Variants in SRSF11 observed in about 807,000 individuals in gnomAD.
The protein encoded by SRSF11 is serine and arginine rich splicing factor 11, also known as serine/arginine-rich splicing factor 11.
In SRSF11, 9 loss-of-function variants were observed where a neutral mutation model predicts 56.0. The observed-to-expected ratio is 0.16, with a 90% CI of 0.10 to 0.28. The LOEUF (loss-of-function observed/expected upper bound fraction) is 0.28, where lower values mean the gene tolerates loss of function less well. SRSF11 is among the 10% of genes least tolerant of loss of function. SRSF11 has a pLI of 1.00. For synonymous variants in SRSF11, 222 were observed against 215.3 expected (o/e 1.03, Z -0.27); for missense variants, 421 against 600.7 (o/e 0.70, Z 3.13).
At chr1:70,208,573 T>C (rs1464980309) in intron 1 of SRSF11, among the ~76,000 whole-genome samples, 2 of 152,044 alleles carry the variant, frequency 1.3e-5, no homozygotes, top group East Asian at 1.9e-4. Flanking sequence ...CCTGGCCTCA[T>C]GTGATCCACC....
chr1:70,213,771 C>T (rs1669768356), intron 1 of SRSF11, among the ~76,000 whole-genome samples: 1 of 152,102 alleles, frequency 6.6e-6, no homozygotes, highest in African/African-American at 2.4e-5. Context: ...TTATTACCCT[C>T]AGTTTAAATA....
intron 2 of SRSF11, chr1:70,231,267 A>C: frequency 8.4e-7 from 1 of 1,183,960 alleles, no homozygotes; most frequent in South Asian, 1.7e-5. Context: ...GGTATTTGCA[A>C]ATATGTAGTT....
intron 1 of SRSF11, among the ~76,000 whole-genome samples, chr1:70,216,131 A>T (rs1669978099): frequency 6.6e-6 from 1 of 152,196 alleles, no homozygotes; most frequent in Non-Finnish European, 1.5e-5. Context: ...AAATACAAAG[A>T]TCTTTTTAGA....
intron 7 of SRSF11, among the ~76,000 whole-genome samples, chr1:70,240,604 T>G (rs1252566803): frequency 6.6e-6 from 1 of 152,194 alleles, no homozygotes; most frequent in African/African-American, 2.4e-5. Flanking sequence ...TTTCAGCCAT[T>G]CTTCGATTTT....
intron 3 of SRSF11, among the ~76,000 whole-genome samples, chr1:70,234,358 A>C (rs1422188510): frequency 2.0e-5 from 3 of 152,252 alleles, no homozygotes; most frequent in Non-Finnish European, 4.4e-5. Flanking sequence ...AATCAGCACA[A>C]GAATATGTTG....
intron 1 of SRSF11, among the ~76,000 whole-genome samples, chr1:70,213,905 G>A (rs1035860877): frequency 6.6e-6 from 1 of 152,096 alleles, no homozygotes; most frequent in African/African-American, 2.4e-5. Context: ...GTGTTATGAG[G>A]ATTGAAGGTC....
chr1:70,217,774 T>C (rs1670148111), upstream of SRSF11, among the ~76,000 whole-genome samples: 2 of 152,238 alleles, frequency 1.3e-5, no homozygotes, highest in African/African-American at 4.8e-5. Context: ...TTAATATATC[T>C]GTCATTCGTC....
chr1:70,213,620 A>G (rs1669758434), intron 1 of SRSF11, among the ~76,000 whole-genome samples: 1 of 152,126 alleles, frequency 6.6e-6, no homozygotes, highest in Admixed American at 6.5e-5. Flanking sequence ...CCTGCTTTAT[A>G]TGATAGACAA....
chr1:70,210,180 A>G (rs1181717821), intron 1 of SRSF11, among the ~76,000 whole-genome samples: 1 of 151,220 alleles, frequency 6.6e-6, no homozygotes, highest in Non-Finnish European at 1.5e-5. Context: ...TTTCCAAGAC[A>G]GAGTTTCCCT....
intron 1 of SRSF11, among the ~76,000 whole-genome samples, chr1:70,214,519 T>A (rs928224795): frequency 1.3e-5 from 2 of 152,190 alleles, no homozygotes; most frequent in African/African-American, 4.8e-5. Context: ...ACAGATAGAT[T>A]TTTGCCTATA....
chr1:70,234,609 T>C (rs1673545171), intron 3 of SRSF11, 87 bp from the exon 4 acceptor site: 3 of 1,063,170 alleles, frequency 2.8e-6, no homozygotes, highest in Non-Finnish European at 4.1e-6. Context: ...CAAGTTGTTA[T>C]CTGACCCTTT....
upstream of SRSF11, among the ~76,000 whole-genome samples, chr1:70,219,491 A>G (rs184517029): frequency 3.4e-4 from 52 of 152,370 alleles, no homozygotes; most frequent in East Asian, 6.9e-3. Flanking sequence ...TGTTTAGACC[A>G]TCAATTTTTT....
intron 9 of SRSF11, chr1:70,249,075 T>C (rs1389803938): frequency 1.3e-5 from 2 of 152,086 alleles, no homozygotes; most frequent in Admixed American, 6.5e-5. Flanking sequence ...TTTTTTAAGT[T>C]ACAGTAAAAA....
intron 9 of SRSF11, among the ~76,000 whole-genome samples, chr1:70,247,946 A>AC (rs1225204535): frequency 6.6e-6 from 1 of 152,104 alleles, no homozygotes; most frequent in Non-Finnish European, 1.5e-5. Context: ...GGAAATACAA[A>AC]CCAGACCACA....
At chr1:70,205,710 C>G (rs1668942251), upstream of SRSF11, 5 of 593,352 alleles carry the variant, frequency 8.4e-6, no homozygotes, top group Middle Eastern at 9.7e-4. Flanking sequence ...GCACCAGCGC[C>G]TGGGCTGGAG....
chr1:70,221,489 G>A lies in SRSF11; in HGVS notation c.-148G>A, dbSNP rs1670601377. The A allele has an allele frequency of 3.4e-6, 4 of 1,173,094 alleles. No homozygotes were observed. Among genetic ancestry groups the A allele is most frequent in the Non-Finnish European group, 1.2e-6 (1 of 845,006 alleles). 72.7% of individuals were successfully genotyped at this position (1,173,094 alleles called of 1,614,324 possible). ...CGTGCGGCGGGGCGGAGAAACGGCGGCGGCGGCGGCGGCATCGGCAGCAGT... is the reference window on the plus strand; with the variant it reads ...CGTGCGGCGGGGCGGAGAAACGGCGACGGCGGCGGCGGCATCGGCAGCAGT... On this transcript the variant is annotated 5_prime_UTR_variant, in exon 1 of 12. Transcript: ENST00000370949.
At position 70,235,682 on chromosome 1, in the gene SRSF11, A is replaced by G. The variant is rs1330503757; in HGVS notation, c.590+132A>G. 4 of 804,912 alleles carry G rather than the reference A, an allele frequency of 5.0e-6. No homozygotes were observed. The Admixed American group carries it at 1.2e-4, about 24-fold the overall frequency. 49.9% of individuals were successfully genotyped at this position (804,912 alleles called of 1,614,324 possible). On this transcript the variant is annotated intron_variant, in intron 5 of 11. Transcript: ENST00000370949. ...AGACAAGCAATATGTATTGTTACCT[A>G]GAAACAAGGAGAGAAATACAGAAGT...
At chr1:70,219,141 G>T (rs1011688771), upstream of SRSF11, among the ~76,000 whole-genome samples, 1 of 152,140 alleles carries the variant, frequency 6.6e-6, no homozygotes, top group African/African-American at 2.4e-5. Flanking sequence ...TGAATATAAT[G>T]CAGATATTCC....
chr1:70,223,316 T>A (rs1671059737), intron 1 of SRSF11, among the ~76,000 whole-genome samples: 1 of 152,218 alleles, frequency 6.6e-6, no homozygotes, highest in Non-Finnish European at 1.5e-5. Flanking sequence ...TGCTGTTTAT[T>A]CTCTGAAGGC....
Sources: allele counts gnomAD v4.1 joint callset (sites outside exome capture counted in the v4.1 genomes callset), GRCh38; gene constraint gnomAD v4.1.1; transcripts MANE v1.5; gene names NCBI Gene and HGNC (gene_info 2026-07-23, HGNC 2026-07-21).